The following BRINP2 variants were observed in gnomAD, a reference collection of about 807,000 sequenced individuals.
The protein encoded by BRINP2 is BMP/retinoic acid inducible neural specific 2, also known as BMP/retinoic acid-inducible neural-specific protein 2.
A neutral mutation model predicts 69.2 loss-of-function variants in BRINP2; 21 were observed. The ratio of observed to expected loss-of-function variants is 0.30; its 90% CI spans 0.22 to 0.44. BRINP2 has a LOEUF of 0.44. Among genes scored for constraint, BRINP2 ranks in the 20% least tolerant of loss-of-function variants. The pLI, the probability that BRINP2 is intolerant of heterozygous loss-of-function variation, is 1.00. For synonymous variants in BRINP2, 380 were observed against 394.1 expected (o/e 0.96, Z 0.42); for missense variants, 877 against 986.0 (o/e 0.89, Z 1.48).
At chr1:177,277,661 G>C (rs887045108) in intron 6 of BRINP2, among the ~76,000 whole-genome samples, 2 of 151,980 alleles carry the variant, frequency 1.3e-5, no homozygotes, top group Admixed American at 6.6e-5. Context: ...CAAGGCATTC[G>C]GTAGCGAAGG....
intron 3 of BRINP2, chr1:177,256,670 A>C: frequency 9.6e-7 from 1 of 1,040,012 alleles, no homozygotes; most frequent in Non-Finnish European, 1.2e-6. Context: ...TGCCCTGGGA[A>C]GAAGGAAGCA....
chr1:177,237,701 G>A (rs1336574423), intron 2 of BRINP2, among the ~76,000 whole-genome samples: 1 of 152,220 alleles, frequency 6.6e-6, no homozygotes, highest in African/African-American at 2.4e-5. Flanking sequence ...TCTTGAGTCA[G>A]TCAGGCAAAG....
At chr1:177,270,083 G>A (rs1293348) in intron 4 of BRINP2, among the ~76,000 whole-genome samples, 5 of 27,768 alleles carry the variant, frequency 1.8e-4, no homozygotes, top group Admixed American at 1.3e-3. Flanking sequence ...GGCAAGGGGT[G>A]GGGGGGGTGG....
intron 4 of BRINP2, among the ~76,000 whole-genome samples, chr1:177,273,283 T>C (rs1289830960): frequency 6.6e-6 from 1 of 152,214 alleles, no homozygotes; most frequent in Non-Finnish European, 1.5e-5. Context: ...TAACTGCTGC[T>C]GCCAGCTATA....
At chr1:177,213,662 C>T (rs912536223) in intron 1 of BRINP2, among the ~76,000 whole-genome samples, 2 of 152,128 alleles carry the variant, frequency 1.3e-5, no homozygotes, top group South Asian at 2.1e-4. Context: ...ATCACTGAGT[C>T]GTGGACGTGT....
chr1:177,273,109 G>A (rs1651382044), intron 4 of BRINP2, among the ~76,000 whole-genome samples: 1 of 152,156 alleles, frequency 6.6e-6, no homozygotes, highest in African/African-American at 2.4e-5. Flanking sequence ...AGTGGATGCA[G>A]CTGGGCTTTC....
In BRINP2 at chr1:177,196,064, C is replaced by T. The variant is rs555922323; in HGVS notation, c.-77+24332C>T. Among the ~76,000 whole-genome samples, 4 of 152,300 alleles carry T rather than the reference C, an allele frequency of 2.6e-5. No homozygotes were observed. In the South Asian group the frequency reaches 8.3e-4, roughly 32 times the overall value. ...TAAAGTGCTCTACAAATGCTAATTT[C>T]TCTATTTACCCCTTTTCAAAACTGC... On this transcript the variant is annotated intron_variant, in intron 1 of 7. Transcript: ENST00000361539.
intron 1 of BRINP2, among the ~76,000 whole-genome samples, chr1:177,188,418 T>C (rs1417345136): frequency 6.6e-6 from 1 of 152,072 alleles, no homozygotes; most frequent in Admixed American, 6.6e-5. Flanking sequence ...ATGAGTTGTA[T>C]TTGTTGTTAG....
chr1:177,265,113 AC>A (rs1309899464), intron 4 of BRINP2, among the ~76,000 whole-genome samples: 1 of 152,204 alleles, frequency 6.6e-6, no homozygotes, highest in African/African-American at 2.4e-5. Context: ...AGATATATAG[AC>A]CAATGGAACA....
At chr1:177,254,378 G>GCACACACACACACACA (rs71565492) in intron 2 of BRINP2, among the ~76,000 whole-genome samples, 37 of 144,012 alleles carry the variant, frequency 2.6e-4, no homozygotes, top group African/African-American at 9.4e-4. Flanking sequence ...AAGCACACAT[G>GCACACACACACACACA]CACACACACA....
Position 177,257,164 on chromosome 1 carries a change from T to C in BRINP2, c.461-12T>C. 1 of 1,613,776 alleles carries C rather than the reference T, an allele frequency of 6.2e-7. No homozygotes were observed. The highest frequency in any genetic ancestry group is 8.5e-7 in the Non-Finnish European group (1 of 1,179,798). Reference sequence around the variant, plus strand: ...GAGAGCGTCACCAATACACTCGTGTTGTTCACCATAGGAGAAGAGTCCCTG... The same window carrying C: ...GAGAGCGTCACCAATACACTCGTGTCGTTCACCATAGGAGAAGAGTCCCTG... On this transcript the variant is annotated splice_polypyrimidine_tract_variant and intron_variant, in intron 3 of 7. Coordinates refer to ENST00000361539, the MANE Select transcript of BRINP2 (RefSeq NM_021165.4).
chr1:177,237,238 G>A (rs1040650848), intron 2 of BRINP2, among the ~76,000 whole-genome samples: 5 of 152,242 alleles, frequency 3.3e-5, no homozygotes, highest in Non-Finnish European at 5.9e-5. Context: ...CATCTCCTTC[G>A]TGCAATGCAT....
At chr1:177,234,911 G>T (rs776991743) in intron 2 of BRINP2, among the ~76,000 whole-genome samples, 6 of 152,186 alleles carry the variant, frequency 3.9e-5, no homozygotes, top group Admixed American at 6.5e-5. Context: ...GGCTACCAGG[G>T]ATAGAATCAG....
chr1:177,190,512 AC>A (rs1362480234), intron 1 of BRINP2, among the ~76,000 whole-genome samples: 1 of 152,078 alleles, frequency 6.6e-6, no homozygotes, highest in Non-Finnish European at 1.5e-5. Flanking sequence ...AAAACAGCCC[AC>A]ATACCATCTG....
intron 1 of BRINP2, among the ~76,000 whole-genome samples, chr1:177,175,697 C>T (rs1238825563): frequency 2.0e-5 from 3 of 152,158 alleles, no homozygotes; most frequent in Non-Finnish European, 4.4e-5. Flanking sequence ...CCCCAAGAAC[C>T]CAGTCTGTTT....
chr1:177,184,064 G>A (rs1228341781), intron 1 of BRINP2, among the ~76,000 whole-genome samples: 1 of 152,078 alleles, frequency 6.6e-6, no homozygotes, highest in African/African-American at 2.4e-5. Context: ...CTCCTTATAG[G>A]CCGATGGTAT....
chr1:177,211,619 A>T (rs1324673209), intron 1 of BRINP2, among the ~76,000 whole-genome samples: 4 of 152,172 alleles, frequency 2.6e-5, no homozygotes, highest in African/African-American at 9.7e-5. Context: ...GTTCATTATG[A>T]TTCAAGTTAT....
At chr1:177,218,904 T>C (rs1396934654) in intron 1 of BRINP2, among the ~76,000 whole-genome samples, 1 of 152,224 alleles carries the variant, frequency 6.6e-6, no homozygotes, top group East Asian at 1.9e-4. Flanking sequence ...GGACCCCTTC[T>C]TCCACCATCT....
intron 6 of BRINP2, among the ~76,000 whole-genome samples, chr1:177,278,348 G>A (rs1053465738): frequency 6.7e-6 from 1 of 148,920 alleles, no homozygotes; most frequent in Non-Finnish European, 1.5e-5. Flanking sequence ...GAGTAGAAAA[G>A]ATGAGAAAGT....
Sources: gnomAD v4.1 joint callset for allele counts (sites outside exome capture counted in the v4.1 genomes callset) on GRCh38, gnomAD v4.1.1 for gene constraint, MANE v1.5 for transcripts, NCBI Gene and HGNC (gene_info 2026-07-23, HGNC 2026-07-21) for gene names.